DDX24: variants seen among roughly 807,000 people sequenced by gnomAD.
DDX24 encodes ATP-dependent RNA helicase DDX24.
A neutral mutation model predicts 68.9 loss-of-function variants in DDX24; 24 were observed. That is an observed-to-expected ratio of 0.35 (90% confidence interval 0.25 to 0.49). DDX24 has a LOEUF of 0.49. DDX24 is among the 20% of genes least tolerant of loss of function. The pLI is 0.99. For synonymous variants in DDX24, 395 were observed against 385.2 expected, an observed-to-expected ratio of 1.03 and a Z score of -0.30; for missense variants, 989 against 1,039.0, an observed-to-expected ratio of 0.95 and a Z score of 0.66.
At chr14:94,056,457 T>C (rs1287860850) in intron 6 of DDX24, 1 of 152,204 alleles carries the variant, frequency 6.6e-6, no homozygotes, top group African/African-American at 2.4e-5. Flanking sequence ...TGGAGAACTT[T>C]TGAATAAGCT....
rs541154511 is a variant in DDX24 at position 94,053,003 on chromosome 14, T to C, written c.2303A>G (p.Tyr768Cys). 51 of 1,613,806 alleles carry C rather than the reference T, an allele frequency of 3.2e-5. 1 individual carries two copies. In the South Asian group the frequency reaches 5.3e-4, roughly 17 times the overall value. Residue 768 changes from tyrosine to cysteine, a missense_variant, in exon 8 of 9, where the codon TAT becomes TGT. Physicochemically the swap from Tyr to Cys is radical, Grantham distance 194. Transcript: ENST00000621632. The stretch of plus-strand genomic sequence containing the variant: ...CATCCCGCCCAAGGGCTTACCCTTA[T>C]ACATGTCTTCTTCCAGCTCAATCTC... ...ALEIELEEDM[Y>C]KGGKADQQEE...
At chr14:94,061,955 C>A in intron 3 of DDX24, 142 bp downstream of exon 3, 1 of 960,096 alleles carries the variant, frequency 1.0e-6, no homozygotes, top group Non-Finnish European at 1.5e-6. Context: ...GTCACTATAT[C>A]AATTTTCTGT....
At chr14:94,063,187 A>C (rs1040483265) in intron 2 of DDX24, among the ~76,000 whole-genome samples, 1 of 152,246 alleles carries the variant, frequency 6.6e-6, no homozygotes, top group Non-Finnish European at 1.5e-5. Flanking sequence ...ATGCTTTCTC[A>C]AGGGAGAAAC....
chr14:94,071,848 G>C (rs535740541), intron 2 of DDX24, among the ~76,000 whole-genome samples: 1 of 151,082 alleles, frequency 6.6e-6, no homozygotes, highest in Non-Finnish European at 1.5e-5. Flanking sequence ...GGGAGGCTGA[G>C]GCAGGAGAAT....
At chr14:94,059,549 C>T (rs1885552534) in intron 5 of DDX24, among the ~76,000 whole-genome samples, 1 of 152,230 alleles carries the variant, frequency 6.6e-6, no homozygotes, top group Non-Finnish European at 1.5e-5. Context: ...TATATACATA[C>T]TATGTGCTAG....
intron 8 of DDX24, 70 bp downstream of exon 8, chr14:94,052,928 T>C: frequency 3.2e-6 from 5 of 1,550,160 alleles, no homozygotes; most frequent in African/African-American, 1.4e-5. Context: ...GTAGTAGAGA[T>C]GGTTCCAACA....
chr14:94,059,926 TAAATGACAGTAACCTTGCC>T (rs1344625751), intron 5 of DDX24, among the ~76,000 whole-genome samples, 153 bp downstream of exon 5: 1 of 148,550 alleles, frequency 6.7e-6, no homozygotes, highest in Non-Finnish European at 1.5e-5. Flanking sequence ...CCAAATTCAC[TAAATGACAGTAACCTTGCC>T]AAATGCTGTG....
intron 2 of DDX24, among the ~76,000 whole-genome samples, chr14:94,067,240 AGAGCTC>A (rs1885723353): frequency 6.6e-6 from 1 of 151,900 alleles, no homozygotes; most frequent in Non-Finnish European, 1.5e-5. Context: ...AAAGAAATTC[AGAGCTC>A]AAAGACAAGA....
At chr14:94,070,284 A>G (rs774967056) in intron 2 of DDX24, among the ~76,000 whole-genome samples, 8 of 152,164 alleles carry the variant, frequency 5.3e-5, no homozygotes, top group Non-Finnish European at 1.0e-4. Flanking sequence ...AAAAAAAAAT[A>G]CTTAGGAATA....
At chr14:94,074,570 A>T (rs1885897617) in intron 2 of DDX24, among the ~76,000 whole-genome samples, 1 of 152,214 alleles carries the variant, frequency 6.6e-6, no homozygotes, top group Non-Finnish European at 1.5e-5. Flanking sequence ...AACTTCCACA[A>T]CGTGATAAAA....
intron 2 of DDX24, 185 bp downstream of exon 2, chr14:94,078,840 C>A: frequency 1.6e-6 from 1 of 623,640 alleles, no homozygotes; most frequent in East Asian, 2.8e-5. Context: ...TAAAAGTGAT[C>A]TGGCTAGGAT....
At chr14:94,068,231 A>C (rs1008181725) in intron 2 of DDX24, among the ~76,000 whole-genome samples, 4 of 152,246 alleles carry the variant, frequency 2.6e-5, no homozygotes, top group African/African-American at 9.6e-5. Context: ...CAGACAAAAC[A>C]AACTTTAAAG....
At position 94,049,970 on chromosome 14, in the gene DDX24, G is replaced by C. The variant is rs1397082811; in HGVS notation, c.*1221C>G. The stretch of plus-strand genomic sequence containing the variant: ...AGATAAAAGTGCCAACCATGAGGCT[G>C]AGAGAGGCTAGCTACTTAGATCTTG... On this transcript the variant is annotated 3_prime_UTR_variant, in exon 9 of 9. Coordinates refer to ENST00000621632, the MANE Select transcript of DDX24 (RefSeq NM_020414.4). 1 of 152,222 alleles carries C rather than the reference G, an allele frequency of 6.6e-6. No homozygotes were observed. Among genetic ancestry groups the C allele is most frequent in the Non-Finnish European group, 1.5e-5 (1 of 68,050 alleles). The allele number at this position is 152,222 out of a possible 1,614,324, so 9.4% of individuals were successfully genotyped here.
chr14:94,066,191 G>A (rs939712876), intron 2 of DDX24, among the ~76,000 whole-genome samples: 2 of 152,140 alleles, frequency 1.3e-5, no homozygotes, highest in Admixed American at 1.3e-4. Context: ...TTCGGTTTGT[G>A]AGGGAGCTGG....
rs1467051740 is a variant in DDX24, at chr14:94,048,725, C to A, written c.*2466G>T. The A allele has an allele frequency of 1.3e-5, 2 of 151,980 alleles. No individual in the cohort carries two copies. Among genetic ancestry groups the A allele is most frequent in the Non-Finnish European group, 2.9e-5 (2 of 68,024 alleles). The allele number at this position is 151,980 out of a possible 1,614,324, so 9.4% of individuals were successfully genotyped here. A position where few individuals can be genotyped will look rare whatever the true frequency, so the allele number is the denominator to read the frequency against. On this transcript the variant is annotated 3_prime_UTR_variant, in exon 9 of 9. Coordinates refer to ENST00000621632, the MANE Select transcript of DDX24 (RefSeq NM_020414.4). ...CACCTTGGCAGTGACTCGGTGGCTT[C>A]CCAAGCAGGAGTGTCAGGGGAACCA... is the stretch of plus-strand genomic sequence containing the variant.
chr14:94,054,602 CAAA>C (rs886374035), intron 7 of DDX24, among the ~76,000 whole-genome samples: 6 of 152,138 alleles, frequency 3.9e-5, no homozygotes, highest in Non-Finnish European at 8.8e-5. Context: ...AGTTAAAACC[CAAA>C]AGACAGAATT....
At chr14:94,072,949 A>T (rs1245809816) in intron 2 of DDX24, among the ~76,000 whole-genome samples, 3 of 152,062 alleles carry the variant, frequency 2.0e-5, no homozygotes, top group South Asian at 2.1e-4. Flanking sequence ...GGAAAAAAAA[A>T]TTTAAAATAA....
chr14:94,077,212 C>T (rs535608951), intron 2 of DDX24, among the ~76,000 whole-genome samples: 15 of 152,292 alleles, frequency 9.8e-5, no homozygotes, highest in African/African-American at 3.6e-4. Flanking sequence ...CACAGGGGAC[C>T]AATGCCCCTA....
chr14:94,070,658 C>T (rs781231188), intron 2 of DDX24, among the ~76,000 whole-genome samples: 2 of 152,110 alleles, frequency 1.3e-5, no homozygotes, highest in Non-Finnish European at 2.9e-5. Flanking sequence ...GTATAAAAAT[C>T]GGCACAAAGA....
Sources: gnomAD v4.1 joint callset for allele counts (sites outside exome capture counted in the v4.1 genomes callset) on GRCh38, gnomAD v4.1.1 for gene constraint, MANE v1.5 for transcripts, NCBI Gene and HGNC (gene_info 2026-07-23, HGNC 2026-07-21) for gene names.